The following ANO2 variants were observed in gnomAD, a reference collection of about 807,000 sequenced individuals.
ANO2 encodes anoctamin 2.
Under a neutral mutation model 124.2 loss-of-function variants are expected in ANO2, and 101 were observed. That is an observed-to-expected ratio of 0.81 (90% CI 0.69 to 0.96). ANO2 has a LOEUF of 0.96. Among genes scored for constraint, ANO2 ranks in the 40% least tolerant of loss-of-function variants. ANO2 has a pLI of 0.00. For missense variants in ANO2, 1,293 were observed against 1,274.5 expected, an observed-to-expected ratio of 1.01 and a Z score of -0.22; for synonymous variants, 486 against 482.5, an observed-to-expected ratio of 1.01 and a Z score of -0.09.
intron 16 of ANO2, among the ~76,000 whole-genome samples, chr12:5,631,839 A>G (rs1945735241): frequency 6.6e-6 from 1 of 152,106 alleles, no homozygotes; most frequent in African/African-American, 2.4e-5. Context: ...AGAGCTTGAA[A>G]TGCTAACTAT....
chr12:5,639,491 C>A (rs1437748359), intron 15 of ANO2, among the ~76,000 whole-genome samples: 2 of 152,176 alleles, frequency 1.3e-5, no homozygotes, highest in East Asian at 3.9e-4. Context: ...GTAGTACCTT[C>A]AGCACGAGAA....
intron 10 of ANO2, among the ~76,000 whole-genome samples, chr12:5,765,743 T>C (rs887202463): frequency 6.6e-6 from 1 of 152,244 alleles, no homozygotes; most frequent in African/African-American, 2.4e-5. Flanking sequence ...GGAACTTTTG[T>C]TTATCAAACA....
intron 20 of ANO2, among the ~76,000 whole-genome samples, chr12:5,585,398 A>G (rs2136857978): frequency 6.6e-6 from 1 of 152,320 alleles, no homozygotes; most frequent in Middle Eastern, 3.4e-3. Flanking sequence ...TTAGGTATTA[A>G]GAGTTTACTG....
chr12:5,869,229 C>T (rs903626147), intron 3 of ANO2, among the ~76,000 whole-genome samples: 2 of 152,170 alleles, frequency 1.3e-5, no homozygotes, highest in Non-Finnish European at 2.9e-5. Context: ...GTCCGAGTAG[C>T]ACCTCCTCCA....
intron 7 of ANO2, among the ~76,000 whole-genome samples, chr12:5,821,028 T>G (rs1446918333): frequency 6.6e-6 from 1 of 152,230 alleles, no homozygotes; most frequent in Non-Finnish European, 1.5e-5. Context: ...CTCTCCAGCT[T>G]TGTGTCATAA....
chr12:5,584,513 G>A (rs1038486277), intron 20 of ANO2, among the ~76,000 whole-genome samples: 7 of 152,224 alleles, frequency 4.6e-5, no homozygotes, highest in African/African-American at 1.7e-4. Flanking sequence ...ACTGGTATGA[G>A]CTTGTCTTCT....
chr12:5,940,317 A>C (rs1942845550), intron 1 of ANO2, among the ~76,000 whole-genome samples: 1 of 152,266 alleles, frequency 6.6e-6, no homozygotes, highest in Non-Finnish European at 1.5e-5. Flanking sequence ...ATTTGAATTT[A>C]GATAGATTGT....
At chr12:5,595,668 T>TGCTTA (rs1317336322) in intron 20 of ANO2, among the ~76,000 whole-genome samples, 35 of 152,184 alleles carry the variant, frequency 2.3e-4, no homozygotes, top group Non-Finnish European at 1.5e-5. Context: ...CTACCATAAT[T>TGCTTA]CAGTAAGATG....
intron 7 of ANO2, among the ~76,000 whole-genome samples, chr12:5,816,122 C>T (rs748055285): frequency 3.8e-4 from 57 of 150,744 alleles, no homozygotes; most frequent in Admixed American, 1.2e-3. Context: ...ATTCCAAATC[C>T]AGTCCTGTTC....
At chr12:5,662,464 T>C (rs1205183461) in intron 14 of ANO2, among the ~76,000 whole-genome samples, 1 of 152,170 alleles carries the variant, frequency 6.6e-6, no homozygotes, top group East Asian at 1.9e-4. Context: ...ACATGCACAA[T>C]AATGAGTCTT....
chr12:5,802,227 C>A (rs1953062823), intron 9 of ANO2, among the ~76,000 whole-genome samples: 1 of 152,220 alleles, frequency 6.6e-6, no homozygotes, highest in East Asian at 1.9e-4. Flanking sequence ...TCCAGAAAGT[C>A]CCTCTCTCAC....
chr12:5,809,985 T>C (rs893385506), intron 7 of ANO2, among the ~76,000 whole-genome samples: 2 of 152,232 alleles, frequency 1.3e-5, no homozygotes, highest in African/African-American at 4.8e-5. Flanking sequence ...CAGCTGATTG[T>C]TCTGCCTCCT....
chr12:5,593,995 A>C (rs1943534566), intron 20 of ANO2, among the ~76,000 whole-genome samples: 1 of 152,216 alleles, frequency 6.6e-6, no homozygotes, highest in South Asian at 2.1e-4. Context: ...AAAAGAGATG[A>C]ACGAAACCTA....
In ANO2 at chr12:5,853,740, C is replaced by T. The variant is rs114288174; in HGVS notation, c.633+303G>A. ...GAAGTGTCTGGCTGTACTAGGACCC[C>T]GAGAAGAGAGAAAGGAGGTGAAACA... On this transcript the variant is annotated intron_variant, in intron 4 of 24. Transcript: ENST00000682330. Among the ~76,000 whole-genome samples, 659 of 152,164 alleles carry T rather than the reference C, an allele frequency of 4.3e-3. 6 individuals are homozygous for T. Among genetic ancestry groups the T allele is most frequent in the African/African-American group, 0.015 (631 of 41,496 alleles).
At chr12:5,869,245 C>G (rs1208472006) in intron 3 of ANO2, among the ~76,000 whole-genome samples, 9 of 152,292 alleles carry the variant, frequency 5.9e-5, no homozygotes, top group Middle Eastern at 3.4e-3. Context: ...CTCCAAGAAG[C>G]CTTTCTGGAC....
intron 22 of ANO2, among the ~76,000 whole-genome samples, chr12:5,576,578 C>A (rs1031184002): frequency 6.6e-6 from 1 of 152,160 alleles, no homozygotes; most frequent in African/African-American, 2.4e-5. Context: ...AACGGAGACA[C>A]AGTGGAGAAA....
intron 3 of ANO2, among the ~76,000 whole-genome samples, chr12:5,903,531 A>C (rs1940460390): frequency 6.6e-6 from 1 of 152,160 alleles, no homozygotes; most frequent in African/African-American, 2.4e-5. Flanking sequence ...TGAAATTCAG[A>C]TTCTGGCTGG....
intron 16 of ANO2, among the ~76,000 whole-genome samples, chr12:5,630,816 G>T (rs540677094): frequency 2.6e-5 from 4 of 152,334 alleles, no homozygotes; most frequent in East Asian, 3.9e-4. Flanking sequence ...AAGTGACAGA[G>T]ACTTTTCCTG....
chr12:5,936,076 A>G (rs547872774), intron 1 of ANO2, among the ~76,000 whole-genome samples: 1 of 152,338 alleles, frequency 6.6e-6, no homozygotes, highest in South Asian at 2.1e-4. Flanking sequence ...TGCTCATTTT[A>G]AAATCAGGTT....
Sources: gnomAD v4.1 joint callset for allele counts (sites outside exome capture counted in the v4.1 genomes callset) on GRCh38, gnomAD v4.1.1 for gene constraint, MANE v1.5 for transcripts, NCBI Gene and HGNC (gene_info 2026-07-23, HGNC 2026-07-21) for gene names.